The following DOK5 variants were observed in gnomAD, a reference collection of about 807,000 sequenced individuals.
DOK5 encodes docking protein 5.
In DOK5, 27 loss-of-function variants were observed where a neutral mutation model predicts 43.3. That is an observed-to-expected ratio of 0.62 (90% CI 0.46 to 0.86). The LOEUF (loss-of-function observed/expected upper bound fraction) is 0.86. Among genes scored for constraint, DOK5 ranks in the 40% least tolerant of loss-of-function variants. The pLI is 0.00. For synonymous variants in DOK5, 146 were observed against 140.1 expected (o/e 1.04, Z -0.30); for missense variants, 373 against 392.9 (o/e 0.95, Z 0.43).
intron 6 of DOK5, among the ~76,000 whole-genome samples, chr20:54,630,521 G>T (rs931124306): frequency 6.6e-6 from 1 of 152,142 alleles, no homozygotes; most frequent in Non-Finnish European, 1.5e-5. Context: ...TCTGAGATTT[G>T]GGGGAGAGAT....
At chr20:54,605,009 AAAAATATAT>A (rs1986420173) in intron 5 of DOK5, among the ~76,000 whole-genome samples, 2 of 131,742 alleles carry the variant, frequency 1.5e-5, no homozygotes, top group Non-Finnish European at 1.5e-5. Context: ...CTCAAAAAAA[AAAAATATAT>A]ATATATACAC....
At chr20:54,627,115 G>A (rs183275905) in intron 6 of DOK5, among the ~76,000 whole-genome samples, 86 of 152,200 alleles carry the variant, frequency 5.7e-4, no homozygotes, top group East Asian at 3.5e-3. Context: ...TTAAACGTAC[G>A]TATAAGAATA....
intron 6 of DOK5, among the ~76,000 whole-genome samples, chr20:54,632,145 C>G (rs1260922424): frequency 6.6e-6 from 1 of 152,126 alleles, no homozygotes; most frequent in Non-Finnish European, 1.5e-5. Context: ...GGGCTTAGAG[C>G]TTTTTTGCTT....
Position 54,524,227 on chromosome 20 carries a change from C to T in DOK5, c.67-30706C>T, listed in dbSNP as rs576487984. ...TTGGAGAAACAGAAGGGTGTTAATG[C>T]GAAAGAAGGATGAAGTGAGGGGCAG... On this transcript the variant is annotated intron_variant, in intron 1 of 7. Transcript: ENST00000262593. 1.1e-4 allele frequency among the ~76,000 whole-genome samples: 17 copies of T among 152,120 alleles called. No homozygotes were observed. The South Asian group carries it at 1.7e-3, about 15-fold the overall frequency.
At chr20:54,482,717 G>T (rs1049927675) in intron 1 of DOK5, among the ~76,000 whole-genome samples, 3 of 152,208 alleles carry the variant, frequency 2.0e-5, no homozygotes, top group Admixed American at 6.5e-5. Context: ...GGCTGGCCTT[G>T]TATGCCTGAC....
chr20:54,529,603 G>A (rs1020627210), intron 1 of DOK5, among the ~76,000 whole-genome samples: 8 of 151,496 alleles, frequency 5.3e-5, no homozygotes, highest in African/African-American at 1.9e-4. Flanking sequence ...TCCTTTTAAA[G>A]TGTATAATTC....
chr20:54,551,871 A>C (rs936068746), intron 1 of DOK5, among the ~76,000 whole-genome samples: 1 of 152,158 alleles, frequency 6.6e-6, no homozygotes, highest in African/African-American at 2.4e-5. Flanking sequence ...TCTGCTGCCC[A>C]GGCTGGAGTT....
intron 5 of DOK5, among the ~76,000 whole-genome samples, chr20:54,599,787 A>T (rs1287081884): frequency 1.3e-5 from 2 of 152,242 alleles, no homozygotes; most frequent in African/African-American, 4.8e-5. Context: ...GCTAGTAAAA[A>T]AGAATCATTC....
At chr20:54,585,916 GT>G (rs2146763713) in intron 2 of DOK5, among the ~76,000 whole-genome samples, 1 of 152,328 alleles carries the variant, frequency 6.6e-6, no homozygotes, top group South Asian at 2.1e-4. Flanking sequence ...GAGGTCAGGA[GT>G]TTGAGACCAG....
intron 5 of DOK5, among the ~76,000 whole-genome samples, chr20:54,603,500 C>T (rs1227998754): frequency 6.6e-6 from 1 of 152,244 alleles, no homozygotes. Flanking sequence ...TAGAAAACCT[C>T]TTACCAGGTA....
intron 2 of DOK5, among the ~76,000 whole-genome samples, chr20:54,582,274 G>T (rs561229747): frequency 5.2e-4 from 79 of 151,766 alleles, no homozygotes; most frequent in African/African-American, 1.9e-3. Flanking sequence ...ATTTTATTGA[G>T]AAATTTGCAT....
intron 2 of DOK5, among the ~76,000 whole-genome samples, chr20:54,578,440 G>A (rs1985527186): frequency 6.6e-6 from 1 of 152,142 alleles, no homozygotes; most frequent in Non-Finnish European, 1.5e-5. Flanking sequence ...AGAAAAGAAA[G>A]TTGAGGAATT....
At chr20:54,639,577 G>A (rs369059261) in intron 6 of DOK5, among the ~76,000 whole-genome samples, 1 of 152,056 alleles carries the variant, frequency 6.6e-6, no homozygotes, top group African/African-American at 2.4e-5. Context: ...ATGGCTCAGG[G>A]TAATTTTTAT....
At chr20:54,501,742 T>TTGTA (rs1982617669) in intron 1 of DOK5, among the ~76,000 whole-genome samples, 1 of 152,346 alleles carries the variant, frequency 6.6e-6, no homozygotes, top group East Asian at 1.9e-4. Context: ...AGGTATTTCA[T>TTGTA]TGTAACCAAA....
chr20:54,524,160 T>G (rs1983504844), intron 1 of DOK5, among the ~76,000 whole-genome samples: 1 of 151,860 alleles, frequency 6.6e-6, no homozygotes, highest in Non-Finnish European at 1.5e-5. Flanking sequence ...AAAAGTAGTG[T>G]GGTGGAGGAG....
chr20:54,588,450 G>C (rs1404855002), intron 2 of DOK5, 33 bp from the exon 3 acceptor site: 1 of 1,570,906 alleles, frequency 6.4e-7, no homozygotes, highest in East Asian at 2.2e-5. Flanking sequence ...TTCATTCAGG[G>C]AGTGTGTCAA....
intron 1 of DOK5, among the ~76,000 whole-genome samples, chr20:54,488,146 A>G (rs1982015098): frequency 6.6e-6 from 1 of 152,184 alleles, no homozygotes; most frequent in Admixed American, 6.5e-5. Context: ...CCACTTTTTG[A>G]GTCTGGGTTC....
At chr20:54,620,177 AG>A (rs1986935681) in intron 6 of DOK5, among the ~76,000 whole-genome samples, 1 of 152,210 alleles carries the variant, frequency 6.6e-6, no homozygotes, top group African/African-American at 2.4e-5. Context: ...CTACTTGCAA[AG>A]CAATGTGTTA....
At position 54,588,568 on chromosome 20, in the gene DOK5, A is replaced by G. The variant is rs781367510; in HGVS notation, c.260A>G (p.Asp87Gly). The G allele has an allele frequency of 9.9e-6, 16 of 1,614,068 alleles. No individual in the cohort carries two copies. Among genetic ancestry groups the G allele is most frequent in the Non-Finnish European group, 1.4e-5 (16 of 1,180,012 alleles). The change falls in exon 3 of 8, where the codon GAT becomes GGT. Residue 87 changes from aspartate (D) to glycine (G), a missense_variant. Coordinates refer to ENST00000262593, the MANE Select transcript of DOK5 (RefSeq NM_018431.5). The stretch of plus-strand genomic sequence containing the variant: ...GCCATAGGGATTTATTTCAATGACG[A>G]TACCTCCAAGACTTTTGCTTGCGAA... ...KHAIGIYFND[D>G]TSKTFACESD...
Sources: allele counts gnomAD v4.1 joint callset (sites outside exome capture counted in the v4.1 genomes callset), GRCh38; gene constraint gnomAD v4.1.1; transcripts MANE v1.5; gene names NCBI Gene and HGNC (gene_info 2026-07-23, HGNC 2026-07-21).